The following SLC38A10 variants were observed in gnomAD, a reference collection of about 807,000 sequenced individuals.
SLC38A10 encodes Sodium-coupled neutral amino acid transporter 10.
SLC38A10 carries 53 observed loss-of-function variants against 81.0 expected under a neutral mutation model. That is an observed-to-expected ratio of 0.65 (90% CI 0.53 to 0.82). The LOEUF is 0.82. SLC38A10 is among the 40% of genes least tolerant of loss of function. The probability of loss-of-function intolerance (pLI) is 0.00; values close to 1 mark genes in which losing one functional copy is unlikely to be tolerated. For synonymous variants in SLC38A10, 665 were observed against 655.3 expected, an observed-to-expected ratio of 1.01 and a Z score of -0.23; for missense variants, 1,471 against 1,545.0, an observed-to-expected ratio of 0.95 and a Z score of 0.80.
chr17:81,284,169 C>G (rs1158474391), intron 3 of SLC38A10, among the ~76,000 whole-genome samples: 1 of 151,910 alleles, frequency 6.6e-6, no homozygotes, highest in Non-Finnish European at 1.5e-5. Context: ...ACCAGCCTGG[C>G]CAACACGGCA....
chr17:81,280,552 C>T, intron 6 of SLC38A10, 57 bp downstream of exon 6: 1 of 1,598,610 alleles, frequency 6.3e-7, no homozygotes. Flanking sequence ...TCCCGTCTCC[C>T]AGCAGCTCGC....
At chr17:81,269,697 G>A (rs917498782) in intron 10 of SLC38A10, among the ~76,000 whole-genome samples, 16 of 151,804 alleles carry the variant, frequency 1.1e-4, no homozygotes, top group African/African-American at 3.4e-4. Flanking sequence ...AAACTTATCA[G>A]GTTGAGGCCG....
Position 81,289,604 on chromosome 17 carries a change from A to T in SLC38A10, c.217+87T>A, listed in dbSNP as rs1466270923. The T allele has an allele frequency of 1.1e-6, 1 of 884,468 alleles. No homozygotes were observed. The highest frequency in any genetic ancestry group is 3.5e-5 in the Admixed American group (1 of 28,672). The allele number at this position is 884,468 out of a possible 1,614,324, so 54.8% of individuals were successfully genotyped here. A position where few individuals can be genotyped will look rare whatever the true frequency, so the allele number is the denominator to read the frequency against. On this transcript the variant is annotated intron_variant, in intron 2 of 15. Transcript: ENST00000374759. The surrounding 1 kb of genome is among the most constrained non-coding windows in gnomAD (Gnocchi z 5.9). The stretch of plus-strand genomic sequence containing the variant: ...CCTGCTATCCAAGGAATTCTTGAAG[A>T]ATCAAGTAGAGTAAATAAATAAATA...
At chr17:81,280,759 C>G (rs201739519) in intron 5 of SLC38A10, 26 bp from the exon 6 acceptor site, 1 of 1,597,980 alleles carries the variant, frequency 6.3e-7, no homozygotes, top group East Asian at 2.2e-5. Context: ...GGAGAGAGCA[C>G]GGGGCAGGTC....
At chr17:81,260,203 C>A in intron 11 of SLC38A10, 35 bp downstream of exon 11, 1 of 1,570,956 alleles carries the variant, frequency 6.4e-7, no homozygotes. Flanking sequence ...TGGGCACTTG[C>A]CCTGAGAAGG....
chr17:81,261,073 T>C (rs533100518), intron 10 of SLC38A10, among the ~76,000 whole-genome samples: 81 of 152,364 alleles, frequency 5.3e-4, no homozygotes, highest in Non-Finnish European at 9.3e-4. Flanking sequence ...GGTCACCCTG[T>C]GAGCTGACCT....
chr17:81,280,801 A>G, intron 5 of SLC38A10, 68 bp from the exon 6 acceptor site: 4 of 1,536,240 alleles, frequency 2.6e-6, no homozygotes, highest in Non-Finnish European at 3.5e-6. Flanking sequence ...ATCCCGGCCC[A>G]CGCGCCGCTA....
intron 10 of SLC38A10, among the ~76,000 whole-genome samples, chr17:81,262,328 C>G (rs749295677): frequency 4.6e-5 from 7 of 152,212 alleles, no homozygotes; most frequent in Non-Finnish European, 7.3e-5. Flanking sequence ...GCTCGGGCTA[C>G]CTGGGGTAAA....
rs368704473 is a variant in SLC38A10, at chr17:81,282,291, C to T, written c.399G>A (p.Ser133=). 20 of 1,613,342 alleles carry T rather than the reference C, an allele frequency of 1.2e-5. No individual in the cohort carries two copies. Among genetic ancestry groups the T allele is most frequent in the African/African-American group, 5.3e-5 (4 of 75,068 alleles). Residue 133 remains serine (S), a synonymous_variant, in exon 5 of 16, where the codon TCG becomes TCA. Transcript: ENST00000374759. ...TFRMFLLFAV[S]LCIVLPLSLQ... ...GGCTGAGCGGGAGCACGATGCACAG[C>T]GACACGGCGAACAGCAGGAACATGC... is the stretch of plus-strand genomic sequence containing the variant.
chr17:81,275,353 T>G (rs2063150861), intron 8 of SLC38A10, among the ~76,000 whole-genome samples: 1 of 152,022 alleles, frequency 6.6e-6, no homozygotes, highest in African/African-American at 2.4e-5. Context: ...GCACCACCAA[T>G]ATGGCCTACA....
chr17:81,257,429 C>T (rs774279768), intron 11 of SLC38A10, among the ~76,000 whole-genome samples: 5 of 152,112 alleles, frequency 3.3e-5, no homozygotes, highest in Admixed American at 6.6e-5. Flanking sequence ...TTGCTGTGTC[C>T]CCCGCGCCTC....
chr17:81,289,956 G>A lies in SLC38A10; in HGVS notation c.100-148C>T, dbSNP rs1329158877. 2 of 629,814 alleles carry A rather than the reference G, an allele frequency of 3.2e-6. No individual in the cohort carries two copies. Among genetic ancestry groups the A allele is most frequent in the Non-Finnish European group, 5.2e-6 (2 of 383,818 alleles). 39.0% of individuals were successfully genotyped at this position (629,814 alleles called of 1,614,324 possible). A position where few individuals can be genotyped will look rare whatever the true frequency, so the allele number is the denominator to read the frequency against. On this transcript the variant is annotated intron_variant, in intron 1 of 15. Coordinates refer to ENST00000374759, the MANE Select transcript of SLC38A10 (RefSeq NM_001037984.3). The surrounding 1 kb of genome is among the most constrained non-coding windows in gnomAD (Gnocchi z 5.9). ...GCCGAACGCGACACTTCCTAGCACT[G>A]AAAGGGCCATTTCCTTGCTGTGGTG...
intron 11 of SLC38A10, among the ~76,000 whole-genome samples, chr17:81,259,840 CA>C (rs1171897372): frequency 6.6e-6 from 1 of 152,208 alleles, no homozygotes; most frequent in African/African-American, 2.4e-5. Flanking sequence ...CCTGAAGCAG[CA>C]AACCAAACTG....
rs1444276329 is a variant in SLC38A10, at chr17:81,276,887, A to G, written c.729+144T>C. 1.8e-5 allele frequency: 14 copies of G among 757,584 alleles called. No individual in the cohort carries two copies. In the East Asian group the frequency reaches 3.9e-4, roughly 21 times the overall value. 46.9% of individuals were successfully genotyped at this position (757,584 alleles called of 1,614,324 possible). A position where few individuals can be genotyped will look rare whatever the true frequency, so the allele number is the denominator to read the frequency against. On this transcript the variant is annotated intron_variant, in intron 7 of 15. Coordinates refer to ENST00000374759, the MANE Select transcript of SLC38A10 (RefSeq NM_001037984.3). The surrounding 1 kb of genome is among the most constrained non-coding windows in gnomAD (Gnocchi z 4.7). ...ATGGAGCTGCCCCAGGTCCCCGCGC[A>G]GCCTCCAGACACTGGGATGGGAACA...
intron 11 of SLC38A10, among the ~76,000 whole-genome samples, chr17:81,256,445 C>T (rs1001448422): frequency 2.0e-5 from 3 of 152,336 alleles, no homozygotes; most frequent in South Asian, 2.1e-4. Flanking sequence ...GGTGGCTCTG[C>T]GGGCTGCCGG....
intron 13 of SLC38A10, 76 bp from the exon 14 acceptor site, chr17:81,251,688 C>A: frequency 1.4e-6 from 2 of 1,400,592 alleles, no homozygotes; most frequent in South Asian, 1.7e-5. Context: ...GGACAGAAGG[C>A]AAGGGCGGGA....
intron 11 of SLC38A10, among the ~76,000 whole-genome samples, chr17:81,254,669 C>T (rs1198351464): frequency 1.3e-5 from 2 of 152,198 alleles, no homozygotes; most frequent in Non-Finnish European, 2.9e-5. Context: ...TGGTCTCAAA[C>T]TCCTGACCTC....
At chr17:81,250,080 C>T in intron 14 of SLC38A10, 1 of 1,288,634 alleles carries the variant, frequency 7.8e-7, no homozygotes, top group Non-Finnish European at 1.0e-6. Context: ...CTGCTACTAT[C>T]TTTTTAATTT....
At chr17:81,250,378 C>T (rs762014267) in intron 14 of SLC38A10, among the ~76,000 whole-genome samples, 12 of 152,250 alleles carry the variant, frequency 7.9e-5, no homozygotes, top group Non-Finnish European at 2.9e-5. Flanking sequence ...CAGGCCGCAG[C>T]GACTGGGACG....
Sources: allele counts gnomAD v4.1 joint callset (sites outside exome capture counted in the v4.1 genomes callset), GRCh38; gene constraint gnomAD v4.1.1; non-coding constraint Gnocchi (gnomAD v3.1); transcripts MANE v1.5; gene names NCBI Gene and HGNC (gene_info 2026-07-23, HGNC 2026-07-21).